The following WWOX variants were observed in gnomAD, a reference collection of about 807,000 sequenced individuals.
The protein encoded by WWOX is WW domain-containing oxidoreductase.
WWOX carries 69 observed loss-of-function variants against 46.2 expected under a neutral mutation model. That is an observed-to-expected ratio of 1.49 (90% CI 1.23 to 1.82). The LOEUF is 1.82. Ranked by LOEUF, WWOX falls within the 40% of genes most tolerant of loss-of-function variation. WWOX has a pLI of 0.00. For synonymous variants in WWOX, 359 were observed against 202.6 expected (o/e 1.77, Z -6.56); for missense variants, 919 against 542.6 (o/e 1.69, Z -6.89).
chr16:79,203,327 A>G (rs962422702), intron 8 of WWOX: 3 of 152,204 alleles, frequency 2.0e-5, no homozygotes, highest in African/African-American at 7.2e-5. Context: ...CTGTATGGAA[A>G]TCCACACACC....
chr16:78,879,543 A>G (rs2044300404), intron 8 of WWOX, among the ~76,000 whole-genome samples: 1 of 152,016 alleles, frequency 6.6e-6, no homozygotes, highest in African/African-American at 2.4e-5. Context: ...CGTGACCACC[A>G]AATCTGATTT....
At chr16:79,078,282 G>C (rs1425654565) in intron 8 of WWOX, 1 of 152,138 alleles carries the variant, frequency 6.6e-6, no homozygotes, top group African/African-American at 2.4e-5. Flanking sequence ...ACTCTTCCTT[G>C]AATTCCATAG....
intron 8 of WWOX, among the ~76,000 whole-genome samples, chr16:78,583,978 G>C (rs2045129857): frequency 6.6e-6 from 1 of 152,176 alleles, no homozygotes; most frequent in Admixed American, 6.5e-5. Context: ...ACTTCAAGAA[G>C]GAAAATGCTG....
chr16:79,140,306 C>G (rs138754014), intron 8 of WWOX, among the ~76,000 whole-genome samples: 31 of 152,272 alleles, frequency 2.0e-4, no homozygotes, highest in African/African-American at 6.7e-4. Flanking sequence ...CTTGGACTTG[C>G]TACATTCTTA....
chr16:78,671,796 C>A (rs927305364), intron 8 of WWOX, among the ~76,000 whole-genome samples: 4 of 152,064 alleles, frequency 2.6e-5, no homozygotes, highest in African/African-American at 9.7e-5. Context: ...ATTCAATTTG[C>A]CTTGCTAATA....
intron 8 of WWOX, among the ~76,000 whole-genome samples, chr16:79,062,731 G>C (rs769028363): frequency 2.6e-4 from 39 of 152,166 alleles, no homozygotes; most frequent in Non-Finnish European, 5.6e-4. Flanking sequence ...TGAGGAGGAA[G>C]GTGGCTTTAT....
chr16:78,456,754 T>C (rs779749208), intron 8 of WWOX, among the ~76,000 whole-genome samples: 17 of 152,250 alleles, frequency 1.1e-4, no homozygotes, highest in Non-Finnish European at 2.4e-4. Flanking sequence ...TTTCATAATA[T>C]GTGTAAAAAT....
intron 8 of WWOX, among the ~76,000 whole-genome samples, chr16:78,871,045 T>C (rs902408992): frequency 2.0e-5 from 3 of 152,208 alleles, no homozygotes; most frequent in Non-Finnish European, 4.4e-5. Flanking sequence ...TTTCTCGAGG[T>C]AAAACAAGTT....
intron 8 of WWOX, among the ~76,000 whole-genome samples, chr16:78,567,402 A>T (rs1197906017): frequency 6.6e-6 from 1 of 151,622 alleles, no homozygotes; most frequent in African/African-American, 2.4e-5. Flanking sequence ...AAAAAAAAAA[A>T]ATTAGCCCGG....
At chr16:78,306,751 G>C (rs1239625342) in intron 5 of WWOX, among the ~76,000 whole-genome samples, 1 of 150,304 alleles carries the variant, frequency 6.7e-6, no homozygotes, top group Admixed American at 6.6e-5. Context: ...GCCCCACTCT[G>C]TCCCATAATT....
chr16:78,458,001 T>C (rs1033352366), intron 8 of WWOX, among the ~76,000 whole-genome samples: 5 of 150,120 alleles, frequency 3.3e-5, no homozygotes, highest in Admixed American at 2.7e-4. Flanking sequence ...TGCCTGAACC[T>C]GGGAGGCGGA....
chr16:78,975,380 C>G (rs1035267684), intron 8 of WWOX, among the ~76,000 whole-genome samples: 3 of 151,838 alleles, frequency 2.0e-5, no homozygotes, highest in Admixed American at 6.5e-5. Flanking sequence ...AGGGCAGACC[C>G]TTGCAACAAA....
rs563440944 is a variant in WWOX, at chr16:78,794,715, T to A, written c.1056+361963T>A. ...ATCTTTGTCATTACGCTTACTGTTATTATTAGCTCTGCTATCAGAGTGATG... is the reference window on the plus strand; with the variant it reads ...ATCTTTGTCATTACGCTTACTGTTAATATTAGCTCTGCTATCAGAGTGATG... On this transcript the variant is annotated intron_variant, in intron 8 of 8. Coordinates refer to ENST00000566780, the MANE Select transcript of WWOX (RefSeq NM_016373.4). 4.3e-4 allele frequency among the ~76,000 whole-genome samples: 65 copies of A among 152,344 alleles called. 1 individual carries two copies. The highest frequency in any genetic ancestry group is 5.9e-4 in the Admixed American group (9 of 15,308).
At chr16:79,056,349 G>C (rs2048262155) in intron 8 of WWOX, among the ~76,000 whole-genome samples, 2 of 152,220 alleles carry the variant, frequency 1.3e-5, no homozygotes, top group South Asian at 2.1e-4. Flanking sequence ...TTTGAAGAAT[G>C]ACTGTAATAC....
intron 8 of WWOX, among the ~76,000 whole-genome samples, chr16:79,023,247 A>C (rs2550710): frequency 0.77 from 117,898 of 152,146 alleles, 46,280 homozygotes; most frequent in East Asian, 0.95. Flanking sequence ...CTGTGTAATA[A>C]AAGAATTACT....
intron 8 of WWOX, among the ~76,000 whole-genome samples, chr16:78,648,453 G>A (rs1285697229): frequency 6.6e-6 from 1 of 152,134 alleles, no homozygotes; most frequent in Non-Finnish European, 1.5e-5. Flanking sequence ...AGGATATCTT[G>A]CTAATGAGAC....
chr16:78,160,101 T>C (rs2034742198), intron 4 of WWOX, among the ~76,000 whole-genome samples: 1 of 152,196 alleles, frequency 6.6e-6, no homozygotes, highest in South Asian at 2.1e-4. Flanking sequence ...TCGTTCTGCT[T>C]TCTTTAGGCT....
chr16:78,105,113 G>A (rs1370572339), intron 1 of WWOX, among the ~76,000 whole-genome samples: 1 of 152,216 alleles, frequency 6.6e-6, no homozygotes, highest in Non-Finnish European at 1.5e-5. Context: ...TATGGGACTG[G>A]GGTATTGGCA....
At chr16:78,933,627 G>T (rs968608897) in intron 8 of WWOX, among the ~76,000 whole-genome samples, 1 of 152,132 alleles carries the variant, frequency 6.6e-6, no homozygotes, top group South Asian at 2.1e-4. Context: ...AAAGAAAGAA[G>T]TTTATTGGAC....
Sources: gnomAD v4.1 joint callset for allele counts (sites outside exome capture counted in the v4.1 genomes callset) on GRCh38, gnomAD v4.1.1 for gene constraint, MANE v1.5 for transcripts, NCBI Gene and HGNC (gene_info 2026-07-23, HGNC 2026-07-21) for gene names.